MTA3: variants seen among roughly 807,000 people sequenced by gnomAD.
MTA3 encodes metastasis associated 1 family member 3.
Under a neutral mutation model 83.5 loss-of-function variants are expected in MTA3, and 34 were observed. The ratio of observed to expected loss-of-function variants is 0.41; its 90% CI spans 0.31 to 0.54. The LOEUF is 0.54. Ranked by LOEUF, MTA3 falls within the 20% of genes least tolerant of loss-of-function variation. MTA3 has a pLI of 0.33. For synonymous variants in MTA3, 303 were observed against 252.7 expected (o/e 1.20, Z -1.89); for missense variants, 761 against 726.4 (o/e 1.05, Z -0.55).
In MTA3 at chr2:42,755,497, C is replaced by T. The variant is rs755812722; in HGVS notation, c.*2098C>T. The T allele has an allele frequency of 7.9e-5, 78 of 985,352 alleles. No individual in the cohort carries two copies. The highest frequency in any genetic ancestry group is 9.3e-5 in the Non-Finnish European group (77 of 829,978). 61.0% of individuals were successfully genotyped at this position (985,352 alleles called of 1,614,324 possible). On this transcript the variant is annotated 3_prime_UTR_variant, in exon 17 of 17. Coordinates refer to ENST00000405094, the MANE Select transcript of MTA3 (RefSeq NM_001330442.2). ...GCTTGTTCGAGCCACGTGTGCCAAG[C>T]AGGCTTTTCCTTCCTCTTGTAAGTA...
At chr2:42,578,743 G>T (rs1301426094) in intron 2 of MTA3, among the ~76,000 whole-genome samples, 1 of 152,126 alleles carries the variant, frequency 6.6e-6, no homozygotes, top group African/African-American at 2.4e-5. Flanking sequence ...TTTAAAAATT[G>T]GTGGGATTAG....
intron 16 of MTA3, among the ~76,000 whole-genome samples, chr2:42,724,325 C>CACACACAG (rs1189188311): frequency 4.1e-5 from 6 of 147,596 alleles, no homozygotes; most frequent in Admixed American, 1.3e-4. Context: ...CACACACACA[C>CACACACAG]ACACACGTAT....
intron 2 of MTA3, among the ~76,000 whole-genome samples, chr2:42,543,621 G>A (rs1184241344): frequency 1.3e-5 from 2 of 151,486 alleles, no homozygotes; most frequent in Non-Finnish European, 2.9e-5. Context: ...AAGGGACTGG[G>A]ACTATACTCA....
At chr2:42,616,043 T>A (rs1684841369) in intron 4 of MTA3, among the ~76,000 whole-genome samples, 2 of 150,778 alleles carry the variant, frequency 1.3e-5, no homozygotes. Flanking sequence ...CCACCGAGAC[T>A]GGCCGCTAAT....
chr2:42,649,967 C>T (rs1688559057), intron 6 of MTA3, among the ~76,000 whole-genome samples: 1 of 152,014 alleles, frequency 6.6e-6, no homozygotes, highest in Non-Finnish European at 1.5e-5. Flanking sequence ...ATGATTGTTA[C>T]TTTTTTTTGG....
chr2:42,749,670 G>A (rs1383726523), intron 16 of MTA3, among the ~76,000 whole-genome samples: 2 of 152,078 alleles, frequency 1.3e-5, no homozygotes, highest in Admixed American at 6.5e-5. Context: ...GTTTTGTCGT[G>A]TTGGCCAGGC....
intron 3 of MTA3, among the ~76,000 whole-genome samples, chr2:42,605,688 G>T: frequency 7.6e-6 from 1 of 131,608 alleles, no homozygotes; most frequent in Non-Finnish European, 1.6e-5. Flanking sequence ...CTCCCTCCCG[G>T]ATGGGGCGGC....
chr2:42,573,041 G>A (rs1278459697), intron 2 of MTA3, among the ~76,000 whole-genome samples: 1 of 151,950 alleles, frequency 6.6e-6, no homozygotes, highest in East Asian at 1.9e-4. Context: ...ATTTATAATG[G>A]AGGTACCAGA....
intron 8 of MTA3, among the ~76,000 whole-genome samples, chr2:42,679,720 A>G (rs1313677387): frequency 6.6e-6 from 1 of 152,210 alleles, no homozygotes; most frequent in East Asian, 1.9e-4. Context: ...CTCGTTTTTT[A>G]AGCTACACCA....
intron 3 of MTA3, among the ~76,000 whole-genome samples, chr2:42,607,100 A>AGG (rs1683552127): frequency 7.8e-4 from 10 of 12,754 alleles, no homozygotes; most frequent in Non-Finnish European, 1.3e-3. Context: ...GTAGGGGTAG[A>AGG]GGTAGAGGTA....
chr2:42,523,851 A>G (rs1188039826), intron 2 of MTA3, among the ~76,000 whole-genome samples: 5 of 152,134 alleles, frequency 3.3e-5, no homozygotes, highest in Non-Finnish European at 7.3e-5. Context: ...CGGGAAGTCA[A>G]GGCTGCAGTG....
intron 2 of MTA3, chr2:42,533,473 C>G (rs1262471568): frequency 6.6e-6 from 1 of 150,812 alleles, no homozygotes; most frequent in Non-Finnish European, 1.5e-5. Context: ...CGGTTCCAGC[C>G]GAAAGGAAGA....
chr2:42,700,154 G>A (rs1308427228), intron 11 of MTA3, among the ~76,000 whole-genome samples: 2 of 151,986 alleles, frequency 1.3e-5, no homozygotes, highest in Non-Finnish European at 2.9e-5. Flanking sequence ...GAGCCAAGGA[G>A]GTACAAGCAG....
intron 4 of MTA3, among the ~76,000 whole-genome samples, chr2:42,635,820 G>A (rs1441264747): frequency 1.3e-5 from 2 of 152,026 alleles, no homozygotes; most frequent in Non-Finnish European, 2.9e-5. Flanking sequence ...AGGCTCGAGT[G>A]CAGTGGCATG....
rs569364710 is a variant in MTA3 at position 42,544,561 on chromosome 2, C to T, written c.-140-25876C>T. Reference sequence around the variant, plus strand: ...ACTTTTTTTTTTTTTTTCTTTGAGACAGGATCTTGCTCTGTCACTCAGAGC... The same window carrying T: ...ACTTTTTTTTTTTTTTTCTTTGAGATAGGATCTTGCTCTGTCACTCAGAGC... On this transcript the variant is annotated intron_variant, in intron 2 of 17. Transcript: ENST00000405592. Among the ~76,000 whole-genome samples the T allele has an allele frequency of 8.7e-5, 12 of 137,494 alleles. No individual in the cohort carries two copies. In the South Asian group the frequency reaches 2.0e-3, roughly 23 times the overall value. 90.2% of individuals were successfully genotyped at this position (137,494 alleles called of 152,430 possible). A position where few individuals can be genotyped will look rare whatever the true frequency, so the allele number is the denominator to read the frequency against.
At chr2:42,519,331 C>T (rs1195842098) in intron 2 of MTA3, among the ~76,000 whole-genome samples, 1 of 152,106 alleles carries the variant, frequency 6.6e-6, no homozygotes, top group Non-Finnish European at 1.5e-5. Flanking sequence ...AAGAGCCAGG[C>T]GCAGTGGCTC....
chr2:42,642,493 TA>T (rs746793477), intron 5 of MTA3, among the ~76,000 whole-genome samples: 2 of 150,692 alleles, frequency 1.3e-5, no homozygotes, highest in East Asian at 1.9e-4. Flanking sequence ...TCGTCTCTAT[TA>T]AAAAAAAAGA....
intron 2 of MTA3, among the ~76,000 whole-genome samples, chr2:42,502,429 G>T (rs1674437838): frequency 1.3e-5 from 2 of 152,164 alleles, no homozygotes; most frequent in Admixed American, 1.3e-4. Context: ...CATATGTGCA[G>T]ATGTTATCTT....
intron 2 of MTA3, among the ~76,000 whole-genome samples, chr2:42,559,012 C>G (rs1455701662): frequency 6.6e-6 from 1 of 152,144 alleles, no homozygotes; most frequent in Non-Finnish European, 1.5e-5. Context: ...GCTCAGGCCT[C>G]TGCCCTCCTC....
Sources: allele counts gnomAD v4.1 joint callset (sites outside exome capture counted in the v4.1 genomes callset), GRCh38; gene constraint gnomAD v4.1.1; transcripts MANE v1.5; gene names NCBI Gene and HGNC (gene_info 2026-07-23, HGNC 2026-07-21).